Variants in GRIA1 observed in about 807,000 individuals in gnomAD.
GRIA1 encodes the protein glutamate ionotropic receptor AMPA type subunit 1.
Under a neutral mutation model 99.2 loss-of-function variants are expected in GRIA1, and 31 were observed. That is an observed-to-expected ratio of 0.31 (90% CI 0.23 to 0.42). The LOEUF is 0.42. GRIA1 is among the 10% of genes least tolerant of loss of function. GRIA1 has a pLI of 1.00. For missense variants in GRIA1, 782 were observed against 1,157.5 expected (o/e 0.68, Z 4.71); for synonymous variants, 438 against 432.4 (o/e 1.01, Z -0.16).
At chr5:153,679,111 G>A (rs1212754983) in intron 7 of GRIA1, among the ~76,000 whole-genome samples, 3 of 152,108 alleles carry the variant, frequency 2.0e-5, no homozygotes, top group African/African-American at 7.2e-5. Context: ...TTTTGTCTTG[G>A]AGCCAAGATA....
At chr5:153,756,138 A>G (rs1762813342) in intron 11 of GRIA1, among the ~76,000 whole-genome samples, 1 of 152,258 alleles carries the variant, frequency 6.6e-6, no homozygotes, top group African/African-American at 2.4e-5. Context: ...TAAAGCTTGC[A>G]CAAGGAACCA....
At chr5:153,521,415 A>G (rs1561606967) in intron 2 of GRIA1, among the ~76,000 whole-genome samples, 1 of 152,250 alleles carries the variant, frequency 6.6e-6, no homozygotes, top group Non-Finnish European at 1.5e-5. Context: ...GCAAAGGTAC[A>G]TTTTATTTAA....
intron 11 of GRIA1, among the ~76,000 whole-genome samples, chr5:153,756,314 T>C (rs1431422753): frequency 6.6e-6 from 1 of 151,468 alleles, no homozygotes; most frequent in Non-Finnish European, 1.5e-5. Context: ...AGGAAATTAG[T>C]TGGGAAGTAC....
rs774058627 is a variant in GRIA1, at chr5:153,626,564, A to G, written c.221-20364A>G. Among the ~76,000 whole-genome samples the G allele has an allele frequency of 4.6e-5, 7 of 152,048 alleles. 1 individual carries two copies. Among genetic ancestry groups the G allele is most frequent in the Non-Finnish European group, 8.8e-5 (6 of 68,028 alleles). On this transcript the variant is annotated intron_variant, in intron 2 of 15. Coordinates refer to ENST00000285900, the MANE Select transcript of GRIA1 (RefSeq NM_000827.4). ...AGTTCATTGGCAGCATTTGAAAGAA[A>G]GTATAGACCCTTAGCTCTCAGTGCT...
chr5:153,806,908 T>A (rs1419358119), intron 15 of GRIA1, among the ~76,000 whole-genome samples: 1 of 152,150 alleles, frequency 6.6e-6, no homozygotes, highest in Non-Finnish European at 1.5e-5. Flanking sequence ...AACCAGGAAT[T>A]AGAACTCCAA....
intron 2 of GRIA1, among the ~76,000 whole-genome samples, chr5:153,539,738 G>T (rs757674026): frequency 1.3e-5 from 2 of 152,186 alleles, no homozygotes; most frequent in Admixed American, 1.3e-4. Context: ...TTCTGAAAAA[G>T]AATTTCTGGA....
intron 5 of GRIA1, among the ~76,000 whole-genome samples, chr5:153,656,492 T>C (rs1246511297): frequency 6.7e-6 from 1 of 150,310 alleles, no homozygotes; most frequent in African/African-American, 2.4e-5. Context: ...CATCAAATCA[T>C]TTTTTGTATA....
intron 2 of GRIA1, among the ~76,000 whole-genome samples, chr5:153,641,856 G>A (rs1452683637): frequency 3.9e-5 from 6 of 152,180 alleles, no homozygotes; most frequent in Non-Finnish European, 8.8e-5. Context: ...AGACTGAATT[G>A]CTATTGCCTA....
At chr5:153,651,142 A>G (rs1377370311) in intron 4 of GRIA1, among the ~76,000 whole-genome samples, 1 of 152,160 alleles carries the variant, frequency 6.6e-6, no homozygotes, top group Admixed American at 6.5e-5. Context: ...AAATGTTATC[A>G]TATTAGGAAC....
In GRIA1 at chr5:153,712,163, T is replaced by C. The variant is rs547068392; in HGVS notation, c.1823+6096T>C. Among the ~76,000 whole-genome samples the C allele has an allele frequency of 5.3e-5, 8 of 152,344 alleles. No individual in the cohort carries two copies. In the South Asian group the frequency reaches 1.4e-3, roughly 28 times the overall value. On this transcript the variant is annotated intron_variant, in intron 11 of 15. Coordinates refer to ENST00000285900, the MANE Select transcript of GRIA1 (RefSeq NM_000827.4). ...ACCTCCCGGGTTCAAGCAATTCTCA[T>C]GCCTCAGCCTCCCCAGTAGCTGGCA...
chr5:153,571,653 G>A (rs964667521), intron 2 of GRIA1, among the ~76,000 whole-genome samples: 17 of 152,042 alleles, frequency 1.1e-4, no homozygotes, highest in East Asian at 1.9e-4. Flanking sequence ...ACATGAAGCC[G>A]TAACTTCATA....
chr5:153,546,922 T>C (rs1759666452), intron 2 of GRIA1, among the ~76,000 whole-genome samples: 1 of 152,212 alleles, frequency 6.6e-6, no homozygotes, highest in African/African-American at 2.4e-5. Flanking sequence ...GAAAGCAATG[T>C]CCTTCTCTGT....
chr5:153,781,479 G>C lies in GRIA1; in HGVS notation c.2270+11064G>C, dbSNP rs569613406. On this transcript the variant is annotated intron_variant, in intron 13 of 15. Transcript: ENST00000285900. The stretch of plus-strand genomic sequence containing the variant: ...TTCTGCCCTCCACCCATATTTCCAG[G>C]TCAACGAAGCAAAGGCCAACTCTCC... 4.6e-5 allele frequency among the ~76,000 whole-genome samples: 7 copies of C among 152,068 alleles called. No homozygotes were observed. The South Asian group carries it at 1.5e-3, about 32-fold the overall frequency.
chr5:153,630,759 A>G (rs1752897217), intron 2 of GRIA1, among the ~76,000 whole-genome samples: 1 of 152,140 alleles, frequency 6.6e-6, no homozygotes, highest in African/African-American at 2.4e-5. Flanking sequence ...AGGGTGGAGG[A>G]GAAGTAATCA....
intron 12 of GRIA1, among the ~76,000 whole-genome samples, chr5:153,768,584 G>A (rs1396468640): frequency 1.3e-5 from 2 of 152,032 alleles, no homozygotes; most frequent in Non-Finnish European, 2.9e-5. Context: ...TTTCCCTCAA[G>A]ATCTATGATT....
At chr5:153,757,597 T>G (rs1215107165) in intron 11 of GRIA1, among the ~76,000 whole-genome samples, 1 of 152,170 alleles carries the variant, frequency 6.6e-6, no homozygotes, top group Non-Finnish European at 1.5e-5. Flanking sequence ...GGCAACAGAC[T>G]TCTCAGCAAA....
chr5:153,545,447 C>CT (rs1759522391), intron 2 of GRIA1, among the ~76,000 whole-genome samples: 1 of 152,038 alleles, frequency 6.6e-6, no homozygotes, highest in South Asian at 2.1e-4. Flanking sequence ...GCATGGCAGT[C>CT]TGACATACAG....
intron 13 of GRIA1, among the ~76,000 whole-genome samples, chr5:153,790,370 C>T (rs879812214): frequency 1.1e-4 from 16 of 152,182 alleles, no homozygotes; most frequent in Non-Finnish European, 2.1e-4. Context: ...TTTTTCATAA[C>T]TCTCCTTTTA....
intron 2 of GRIA1, among the ~76,000 whole-genome samples, chr5:153,513,523 T>C: frequency 6.6e-6 from 1 of 152,140 alleles, no homozygotes; most frequent in South Asian, 2.1e-4. Flanking sequence ...TCTTAATTTG[T>C]CCTGAGTCAG....
Sources: gnomAD v4.1 joint callset for allele counts (sites outside exome capture counted in the v4.1 genomes callset) on GRCh38, gnomAD v4.1.1 for gene constraint, MANE v1.5 for transcripts, NCBI Gene and HGNC (gene_info 2026-07-23, HGNC 2026-07-21) for gene names.